Variants in FABP6 observed in about 807,000 individuals in gnomAD.
FABP6 encodes gastrotropin.
FABP6 carries 13 observed loss-of-function variants against 14.9 expected under a neutral mutation model. The ratio of observed to expected loss-of-function variants is 0.87; its 90% CI spans 0.57 to 1.39. FABP6 has a LOEUF of 1.39. Ranked by LOEUF, FABP6 falls within the 40% of genes most tolerant of loss-of-function variation. FABP6 has a pLI of 0.00. For missense variants in FABP6, 161 were observed against 167.2 expected, an observed-to-expected ratio of 0.96 and a Z score of 0.20; for synonymous variants, 75 against 63.6, an observed-to-expected ratio of 1.18 and a Z score of -0.85.
At chr5:160,213,745 G>A in exon 3 of FABP6, 2 of 1,613,946 alleles carry the variant, frequency 1.2e-6, no homozygotes, top group Non-Finnish European at 1.7e-6. Flanking sequence ...GGTTCTGAGA[G>A]CTGTGTTGTC....
chr5:160,193,456 G>T (rs1297812085), intron 1 of FABP6, among the ~76,000 whole-genome samples: 1 of 152,120 alleles, frequency 6.6e-6, no homozygotes, highest in Non-Finnish European at 1.5e-5. Context: ...GCGACTGCTG[G>T]CTCAGGCAGC....
chr5:160,199,891 G>C (rs1759600108), intron 2 of FABP6, among the ~76,000 whole-genome samples: 1 of 152,210 alleles, frequency 6.6e-6, no homozygotes, highest in Non-Finnish European at 1.5e-5. Flanking sequence ...AAGAAGTGGG[G>C]CAGGACATGG....
intron 2 of FABP6, among the ~76,000 whole-genome samples, chr5:160,202,989 C>G (rs141715588): frequency 0.026 from 3,963 of 151,606 alleles, 171 homozygotes; most frequent in African/African-American, 0.092. Context: ...GCAACCTCTG[C>G]CTCCCAGGTT....
At chr5:160,230,219 A>G (rs1246692977) in intron 1 of FABP6, among the ~76,000 whole-genome samples, 2 of 152,016 alleles carry the variant, frequency 1.3e-5, no homozygotes, top group Non-Finnish European at 2.9e-5. Context: ...CATAGAATAT[A>G]TTAGTATTTC....
intron 1 of FABP6, among the ~76,000 whole-genome samples, chr5:160,190,850 T>C (rs1440581636): frequency 1.3e-5 from 2 of 152,168 alleles, no homozygotes; most frequent in Non-Finnish European, 2.9e-5. Context: ...CGGTGGCTCA[T>C]GCCCATAATC....
At chr5:160,202,314 C>T (rs1417595625) in intron 2 of FABP6, among the ~76,000 whole-genome samples, 1 of 152,090 alleles carries the variant, frequency 6.6e-6, no homozygotes, top group Admixed American at 6.6e-5. Context: ...TCCTTTATTT[C>T]CACTTAACTC....
At chr5:160,238,577 A>T (rs1452292230) in intron 3 of FABP6, 29 bp from the exon 4 acceptor site, 1 of 1,610,580 alleles carries the variant, frequency 6.2e-7, no homozygotes, top group Non-Finnish European at 8.5e-7. Context: ...TGGGGCACTG[A>T]CTCCCTCTGT....
intron 1 of FABP6, among the ~76,000 whole-genome samples, chr5:160,192,377 C>T (rs916584452): frequency 6.6e-6 from 1 of 152,164 alleles, no homozygotes; most frequent in Non-Finnish European, 1.5e-5. Flanking sequence ...GCAGTCATCC[C>T]TATCTGACAT....
At chr5:160,223,755 T>C (rs1456415671) in intron 3 of FABP6, among the ~76,000 whole-genome samples, 4 of 150,280 alleles carry the variant, frequency 2.7e-5, no homozygotes, top group African/African-American at 9.8e-5. Flanking sequence ...CCATTCCCCA[T>C]CTCTCTTTCC....
At chr5:160,207,276 A>C (rs35218520) in intron 2 of FABP6, among the ~76,000 whole-genome samples, 1 of 152,214 alleles carries the variant, frequency 6.6e-6, no homozygotes, top group Non-Finnish European at 1.5e-5. Context: ...CCAGGGTCAC[A>C]TGACTTTGCT....
chr5:160,217,635 T>TTTA (rs891659518), intron 3 of FABP6, among the ~76,000 whole-genome samples: 4 of 151,784 alleles, frequency 2.6e-5, no homozygotes, highest in East Asian at 1.9e-4. Context: ...ATTTATTTAT[T>TTTA]TTATTATTAT....
At chr5:160,222,161 T>G (rs1760143089) in intron 3 of FABP6, among the ~76,000 whole-genome samples, 2 of 149,826 alleles carry the variant, frequency 1.3e-5, no homozygotes, top group South Asian at 4.2e-4. Context: ...ATTGCAATCA[T>G]AGCTCACTGA....
chr5:160,229,517 T>C lies in FABP6; in HGVS notation c.-41T>C, dbSNP rs1433218777. The C allele has an allele frequency of 6.2e-7, 1 of 1,613,586 alleles. No individual in the cohort carries two copies. Among genetic ancestry groups the C allele is most frequent in the African/African-American group, 1.3e-5 (1 of 75,052 alleles). On this transcript the variant is annotated 5_prime_UTR_variant, in exon 1 of 4. Transcript: ENST00000402432. ...GCAGACCCCTCAGCACCACCCATTC[T>C]CCTCATCCCTCTGCTCTCTGGCCTC... is the stretch of plus-strand genomic sequence containing the variant.
chr5:160,204,719 T>A (rs1255367854), intron 2 of FABP6: 1 of 152,308 alleles, frequency 6.6e-6, no homozygotes, highest in South Asian at 2.1e-4. Context: ...TCGAACTCCT[T>A]ACCTCAGGTG....
At chr5:160,234,948 T>G (rs1760474377) in intron 3 of FABP6, 39 bp downstream of exon 3, 3 of 1,579,198 alleles carry the variant, frequency 1.9e-6, no homozygotes, top group Admixed American at 1.7e-5. Context: ...TTATTGGATA[T>G]TTGTCTGCCT....
At chr5:160,237,800 C>T (rs764862986) in intron 3 of FABP6, among the ~76,000 whole-genome samples, 1 of 152,212 alleles carries the variant, frequency 6.6e-6, no homozygotes, top group Non-Finnish European at 1.5e-5. Context: ...TGGACAGAGC[C>T]ATTCCTATCT....
intron 2 of FABP6, among the ~76,000 whole-genome samples, chr5:160,206,683 G>A (rs1037998203): frequency 1.2e-4 from 18 of 152,144 alleles, no homozygotes; most frequent in Middle Eastern, 3.4e-3. Context: ...TCCTACCCAC[G>A]TCTAAACAGC....
intron 1 of FABP6, among the ~76,000 whole-genome samples, chr5:160,231,130 G>C (rs1177249718): frequency 6.6e-6 from 1 of 152,178 alleles, no homozygotes; most frequent in East Asian, 1.9e-4. Flanking sequence ...AGCTGGCTCA[G>C]AGCAACCCTG....
intron 2 of FABP6, among the ~76,000 whole-genome samples, chr5:160,233,979 C>T (rs2113146008): frequency 6.6e-6 from 1 of 152,212 alleles, no homozygotes; most frequent in Non-Finnish European, 1.5e-5. Flanking sequence ...GATTTGAACC[C>T]CAGCTATTTG....
Sources: gnomAD v4.1 joint callset for allele counts (sites outside exome capture counted in the v4.1 genomes callset) on GRCh38, gnomAD v4.1.1 for gene constraint, MANE v1.5 for transcripts, NCBI Gene and HGNC (gene_info 2026-07-23, HGNC 2026-07-21) for gene names.